Variants in AK7 observed in about 807,000 individuals in gnomAD.
AK7 encodes the protein ATP-AMP transphosphorylase 7.
A neutral mutation model predicts 96.6 loss-of-function variants in AK7; 78 were observed. The ratio of observed to expected loss-of-function variants is 0.81; its 90% CI spans 0.67 to 0.97. The LOEUF (loss-of-function observed/expected upper bound fraction) is 0.97, where lower values mean the gene tolerates loss of function less well. Ranked by LOEUF, AK7 falls within the 50% of genes least tolerant of loss-of-function variation. The pLI, the probability that AK7 is intolerant of heterozygous loss-of-function variation, is 0.00. For missense variants in AK7, 855 were observed against 887.9 expected, an observed-to-expected ratio of 0.96 and a Z score of 0.47; for synonymous variants, 302 against 317.2, an observed-to-expected ratio of 0.95 and a Z score of 0.51.
At chr14:96,443,780 AT>A (rs60861399) in intron 7 of AK7, among the ~76,000 whole-genome samples, 4 of 137,606 alleles carry the variant, frequency 2.9e-5, no homozygotes, top group Admixed American at 7.4e-5. Context: ...AAAACTCATA[AT>A]TTTTTTTTTT....
chr14:96,416,849 G>A (rs931930867), intron 4 of AK7, among the ~76,000 whole-genome samples: 1 of 152,216 alleles, frequency 6.6e-6, no homozygotes, highest in African/African-American at 2.4e-5. Flanking sequence ...CAGGAATCAA[G>A]GAATGACAGC....
chr14:96,411,791 G>A (rs1178280112), intron 4 of AK7, among the ~76,000 whole-genome samples: 2 of 152,210 alleles, frequency 1.3e-5, no homozygotes. Context: ...TGTGGCATCC[G>A]TTCGAAGTCA....
chr14:96,404,150 TAAAAAA>T (rs34091316), intron 2 of AK7, among the ~76,000 whole-genome samples: 2 of 99,774 alleles, frequency 2.0e-5, no homozygotes, highest in African/African-American at 3.7e-5. Flanking sequence ...TGTCTCAAAT[TAAAAAA>T]AAAAAAAAAA....
intron 14 of AK7, among the ~76,000 whole-genome samples, chr14:96,475,165 G>A (rs1895104173): frequency 6.6e-6 from 1 of 152,208 alleles, no homozygotes; most frequent in Non-Finnish European, 1.5e-5. Context: ...TTAATCTGTT[G>A]TTAGCAAACT....
chr14:96,408,544 T>G (rs926536902), intron 3 of AK7, among the ~76,000 whole-genome samples: 4 of 152,236 alleles, frequency 2.6e-5, no homozygotes, highest in Admixed American at 2.6e-4. Context: ...GCCACAATTC[T>G]GAGCTCAGCT....
intron 7 of AK7, among the ~76,000 whole-genome samples, chr14:96,444,258 AT>A (rs1176643213): frequency 6.6e-6 from 1 of 151,846 alleles, no homozygotes; most frequent in Non-Finnish European, 1.5e-5. Context: ...AAACATACCC[AT>A]TTTTTTCTGC....
At chr14:96,465,741 G>A (rs1040456422) in intron 12 of AK7, among the ~76,000 whole-genome samples, 10 of 152,204 alleles carry the variant, frequency 6.6e-5, no homozygotes, top group African/African-American at 2.4e-4. Flanking sequence ...GCCAGGCGCA[G>A]TGGCTCACGC....
chr14:96,435,913 G>A (rs1235994359), intron 5 of AK7, among the ~76,000 whole-genome samples: 1 of 152,146 alleles, frequency 6.6e-6, no homozygotes, highest in Non-Finnish European at 1.5e-5. Context: ...GGGTGGCTTT[G>A]GCGATTCCAA....
intron 5 of AK7, among the ~76,000 whole-genome samples, chr14:96,428,146 A>C (rs957490496): frequency 6.6e-6 from 1 of 151,930 alleles, no homozygotes; most frequent in African/African-American, 2.4e-5. Context: ...TCAGTGTGTG[A>C]TGTTCCCCAC....
rs768409299 is a variant in AK7, at chr14:96,486,993, A to G, written c.2070A>G (p.Pro690=). ...LRNYLMTYVM[P]TLIQGLNECC... ...ACTATTTAATGACCTATGTGATGCC[A>G]ACTCTTATTCAGGGCCTGAATGAAT... is the stretch of plus-strand genomic sequence containing the variant. The change falls in exon 17 of 18, where the codon CCA becomes CCG. Residue 690 remains proline (P), a synonymous_variant. Transcript: ENST00000267584. The G allele has an allele frequency of 2.6e-5, 42 of 1,614,084 alleles. No individual in the cohort carries two copies. The East Asian group carries it at 8.7e-4, about 33-fold the overall frequency.
At chr14:96,410,312 T>G (rs982168685) in intron 4 of AK7, among the ~76,000 whole-genome samples, 14 of 152,254 alleles carry the variant, frequency 9.2e-5, no homozygotes, top group South Asian at 4.1e-4. Context: ...CAGCTAAGTG[T>G]CCACTATAAA....
chr14:96,454,662 A>AT (rs1595435752), intron 10 of AK7, among the ~76,000 whole-genome samples: 21 of 141,580 alleles, frequency 1.5e-4, no homozygotes, highest in Middle Eastern at 3.6e-3. Flanking sequence ...ATTTAAAAAA[A>AT]ATTTTTTTTT....
chr14:96,471,409 C>A, intron 12 of AK7, 69 bp from the exon 13 acceptor site: 14 of 751,576 alleles, frequency 1.9e-5, no homozygotes, highest in South Asian at 4.0e-5. Context: ...TTTGAGATAA[C>A]TTTAAAACAA....
intron 5 of AK7, among the ~76,000 whole-genome samples, chr14:96,432,790 C>G (rs1892429099): frequency 6.7e-6 from 1 of 150,094 alleles, no homozygotes; most frequent in Non-Finnish European, 1.5e-5. Flanking sequence ...TGAGACCATC[C>G]TGGCTAACAC....
chr14:96,480,905 C>T (rs374704124), intron 15 of AK7, among the ~76,000 whole-genome samples: 35 of 152,254 alleles, frequency 2.3e-4, no homozygotes, highest in Non-Finnish European at 3.7e-4. Flanking sequence ...GGATGCAGCC[C>T]GGCCTCTGCA....
intron 5 of AK7, chr14:96,424,248 T>C (rs1891891885): frequency 2.3e-6 from 1 of 433,722 alleles, no homozygotes; most frequent in Non-Finnish European, 4.2e-6. Context: ...CAGCCGGGAG[T>C]GCCGCGGGAG....
At chr14:96,483,798 A>G (rs1487048940) in intron 16 of AK7, among the ~76,000 whole-genome samples, 1 of 152,120 alleles carries the variant, frequency 6.6e-6, no homozygotes, top group Non-Finnish European at 1.5e-5. Flanking sequence ...AATGTGTAAC[A>G]TTTTACTATG....
At chr14:96,439,710 T>G (rs1892853409) in intron 6 of AK7, among the ~76,000 whole-genome samples, 2 of 150,908 alleles carry the variant, frequency 1.3e-5, no homozygotes, top group Admixed American at 6.6e-5. Flanking sequence ...TGACAAATTG[T>G]GTCAGATACT....
chr14:96,398,070 T>A lies in AK7; in HGVS notation c.106-5T>A. 6.2e-7 allele frequency: 1 copy of A among 1,611,402 alleles called. No homozygotes were observed. The highest frequency in any genetic ancestry group is 8.5e-7 in the Non-Finnish European group (1 of 1,178,400). On this transcript the variant is annotated splice_region_variant and splice_polypyrimidine_tract_variant and intron_variant, in intron 1 of 17. Transcript: ENST00000267584. The stretch of plus-strand genomic sequence containing the variant: ...ACCATTTGGGAAATTTCTGTTTCCT[T>A]GCAGTTTCTATCTAACTGTGTAGTT...
Sources: allele counts gnomAD v4.1 joint callset (sites outside exome capture counted in the v4.1 genomes callset), GRCh38; gene constraint gnomAD v4.1.1; transcripts MANE v1.5; gene names NCBI Gene and HGNC (gene_info 2026-07-23, HGNC 2026-07-21).